The following MORC2 variants were observed in gnomAD, a reference collection of about 807,000 sequenced individuals.
The protein encoded by MORC2 is MORC family CW-type zinc finger 2, also known as ATPase MORC2.
Under a neutral mutation model 136.0 loss-of-function variants are expected in MORC2, and 30 were observed. The ratio of observed to expected loss-of-function variants is 0.22; its 90% confidence interval spans 0.17 to 0.30. The LOEUF (loss-of-function observed/expected upper bound fraction) is 0.30, where lower values mean the gene tolerates loss of function less well. Ranked by LOEUF, MORC2 falls within the 10% of genes least tolerant of loss-of-function variation. MORC2 has a pLI of 1.00. For missense variants in MORC2, 922 were observed against 1,333.1 expected (o/e 0.69, Z 4.80); for synonymous variants, 439 against 487.0 (o/e 0.90, Z 1.30).
intron 1 of MORC2, among the ~76,000 whole-genome samples, chr22:30,959,814 A>T (rs1376519352): frequency 1.3e-5 from 2 of 152,250 alleles, no homozygotes; most frequent in African/African-American, 2.4e-5. Flanking sequence ...AAATATATCA[A>T]TAGTAAATAA....
intron 1 of MORC2, chr22:30,967,052 G>T: frequency 1.0e-6 from 1 of 968,184 alleles, no homozygotes; most frequent in Non-Finnish European, 1.2e-6. Context: ...GTACTAGAAT[G>T]TTAGAACACT....
Position 30,934,755 on chromosome 22 carries a change from G to A in MORC2, c.2193+26C>T, listed in dbSNP as rs758771288. The A allele has an allele frequency of 1.3e-5, 21 of 1,609,756 alleles. No homozygotes were observed. The highest frequency in any genetic ancestry group is 1.8e-5 in the Non-Finnish European group (21 of 1,176,942). Reference sequence around the variant, plus strand: ...TCCTACACTACTGACACTGGGCTGGGGTATTAAAGAGGACAAGCGTCTCAC... The same window carrying A: ...TCCTACACTACTGACACTGGGCTGGAGTATTAAAGAGGACAAGCGTCTCAC... On this transcript the variant is annotated intron_variant, in intron 19 of 25. Coordinates refer to ENST00000397641, the MANE Select transcript of MORC2 (RefSeq NM_001303256.3). The surrounding 1 kb of genome is among the most constrained non-coding windows in gnomAD (Gnocchi z 4.4).
In MORC2 at chr22:30,939,637, T is replaced by C; in HGVS notation, c.1057A>G (p.Lys353Glu). The change falls in exon 12 of 26, where the codon AAG becomes GAG. Residue 353 changes from lysine (K) to glutamate (E), a missense_variant. Lys to Glu is a moderately conservative substitution (Grantham distance 56). Transcript: ENST00000397641. Reference sequence around the variant, plus strand: ...GGCACTCACCGCTGCTTGGCCTCCTTGATCCTCTTCTTGACATCGGCTTCT... The same window carrying C: ...GGCACTCACCGCTGCTTGGCCTCCTCGATCCTCTTCTTGACATCGGCTTCT... ...RREADVKKRI[K>E]EAKQRALKEP... 1 of 1,614,164 alleles carries C rather than the reference T, an allele frequency of 6.2e-7. No individual in the cohort carries two copies. The highest frequency in any genetic ancestry group is 8.5e-7 in the Non-Finnish European group (1 of 1,180,032).
In MORC2 at chr22:30,934,723, A is replaced by G. The variant is rs543124824; in HGVS notation, c.2193+58T>C. 2.6e-4 allele frequency: 419 copies of G among 1,585,348 alleles called. 12 individuals carry two copies. The South Asian group carries it at 4.6e-3, about 18-fold the overall frequency. On this transcript the variant is annotated intron_variant, in intron 19 of 25. Coordinates refer to ENST00000397641, the MANE Select transcript of MORC2 (RefSeq NM_001303256.3). The surrounding 1 kb of genome is among the most constrained non-coding windows in gnomAD (Gnocchi z 4.4). ...CCCAGTACAGCTGTGACACTGCACA[A>G]TTCCATTCCTACACTACTGACACTG... is the stretch of plus-strand genomic sequence containing the variant.
At chr22:30,964,606 G>A (rs2240182) in intron 1 of MORC2, among the ~76,000 whole-genome samples, 83,817 of 151,982 alleles carry the variant, frequency 0.55, 23,514 homozygotes, top group East Asian at 0.75. Flanking sequence ...GTAACAGCAT[G>A]AAACTCCTTT....
intron 10 of MORC2, 128 bp from the exon 11 acceptor site, chr22:30,940,169 G>T: frequency 2.2e-6 from 2 of 906,436 alleles, no homozygotes; most frequent in African/African-American, 1.7e-5. Context: ...GGGGAGCTAT[G>T]GCTGGTGAGC....
At chr22:30,963,356 T>C (rs909161179) in intron 1 of MORC2, 14 of 980,040 alleles carry the variant, frequency 1.4e-5, no homozygotes, top group Admixed American at 1.2e-4. Flanking sequence ...CAAAGATTTT[T>C]TGAAAATTCG....
chr22:30,950,353 C>CCCAAAAAAAAAAAAAAAAA, intron 4 of MORC2, 24 bp downstream of exon 4: 1 of 1,481,956 alleles, frequency 6.7e-7, no homozygotes, highest in Non-Finnish European at 9.4e-7. Flanking sequence ...CCCCACCCCC[C>CCCAAAAAAAAAAAAAAAAA]AAAACAATAA....
intron 1 of MORC2, among the ~76,000 whole-genome samples, chr22:30,959,838 T>G (rs2041017644): frequency 6.6e-6 from 1 of 152,258 alleles, no homozygotes. Flanking sequence ...GCATCTAGGA[T>G]CTCTGATCGC....
rs1204334853 is a variant in MORC2 at position 30,937,752 on chromosome 22, T to G, written c.1370-41A>C. On this transcript the variant is annotated intron_variant, in intron 14 of 25. Coordinates refer to ENST00000397641, the MANE Select transcript of MORC2 (RefSeq NM_001303256.3). The surrounding 1 kb of genome is among the most constrained non-coding windows in gnomAD (Gnocchi z 4.7). ...CGATACATCATGTTAGGAGCCAGCC[T>G]CTCTCTCTCCCTACATTCAGGTGAA... 3.1e-6 allele frequency: 5 copies of G among 1,613,132 alleles called. No individual in the cohort carries two copies. Among genetic ancestry groups the G allele is most frequent in the Non-Finnish European group, 4.2e-6 (5 of 1,179,564 alleles).
intron 20 of MORC2, among the ~76,000 whole-genome samples, 197 bp from the exon 21 acceptor site, chr22:30,933,717 G>C (rs1030855913): frequency 4.6e-5 from 7 of 152,168 alleles, no homozygotes; most frequent in Non-Finnish European, 1.0e-4. Context: ...TTACGAACAA[G>C]ACAGCAGGCA....
In MORC2 at chr22:30,941,774, A is replaced by G. The variant is rs2040745393; in HGVS notation, c.698+117T>C. 8.7e-7 allele frequency: 1 copy of G among 1,152,682 alleles called. No homozygotes were observed. The highest frequency in any genetic ancestry group is 1.3e-6 in the Non-Finnish European group (1 of 793,764). The allele number at this position is 1,152,682 out of a possible 1,614,324, so 71.4% of individuals were successfully genotyped here. A position where few individuals can be genotyped will look rare whatever the true frequency, so the allele number is the denominator to read the frequency against. ...ACAGGCAACTGAGCTGGCCCTACATACTACCCTACCACAGAACACTGGGCA... is the reference window on the plus strand; with the variant it reads ...ACAGGCAACTGAGCTGGCCCTACATGCTACCCTACCACAGAACACTGGGCA... On this transcript the variant is annotated intron_variant, in intron 8 of 25. Transcript: ENST00000397641. This position sits in a 1 kb window ranked among gnomAD's most constrained non-coding sequence, Gnocchi z 4.6.
At chr22:30,946,263 G>A (rs2040813725) in intron 6 of MORC2, 78 bp downstream of exon 6, 5 of 1,113,434 alleles carry the variant, frequency 4.5e-6, no homozygotes, top group Non-Finnish European at 6.6e-6. Flanking sequence ...GTCTAGCATT[G>A]CAAATAACCT....
In MORC2 at chr22:30,949,857, A is replaced by G. The variant is rs545157205; in HGVS notation, c.227-15T>C. ...GGCAGCATCACCTGAAAGGGCAGAC[A>G]CAAGAGAAAGTGAAAAGTTTGCATT... On this transcript the variant is annotated splice_polypyrimidine_tract_variant and intron_variant, in intron 4 of 25. Transcript: ENST00000397641. The G allele has an allele frequency of 5.0e-6, 8 of 1,613,142 alleles. No individual in the cohort carries two copies. In the African/African-American group the frequency reaches 6.7e-5, roughly 13 times the overall value.
intron 4 of MORC2, 24 bp downstream of exon 4, chr22:30,950,353 C>CCCCACCAA: frequency 6.7e-7 from 1 of 1,481,962 alleles, no homozygotes; most frequent in South Asian, 1.1e-5. Flanking sequence ...CCCCACCCCC[C>CCCCACCAA]AAAACAATAA....
chr22:30,935,696 C>T (rs2040642433), intron 17 of MORC2, among the ~76,000 whole-genome samples: 2 of 152,002 alleles, frequency 1.3e-5, no homozygotes, highest in South Asian at 2.1e-4. Flanking sequence ...TTAGTGAGAG[C>T]ACATCTGCAC....
chr22:30,951,712 T>C (rs1036021683), intron 3 of MORC2, among the ~76,000 whole-genome samples: 4 of 152,262 alleles, frequency 2.6e-5, no homozygotes, highest in African/African-American at 9.6e-5. Flanking sequence ...CTGAGAAATC[T>C]GTTTTAAATG....
At chr22:30,967,648 T>C in intron 1 of MORC2, 174 bp downstream of exon 1, 1 of 1,405,544 alleles carries the variant, frequency 7.1e-7, no homozygotes, top group Non-Finnish European at 9.2e-7. Context: ...TAGCAACAAG[T>C]ATTTCACTGA....
intron 2 of MORC2, among the ~76,000 whole-genome samples, chr22:30,957,833 G>A (rs1453784436): frequency 6.6e-6 from 1 of 152,178 alleles, no homozygotes; most frequent in Non-Finnish European, 1.5e-5. Flanking sequence ...ATTAGAATAA[G>A]TTTATTGTAT....
Sources: gnomAD v4.1 joint callset for allele counts (sites outside exome capture counted in the v4.1 genomes callset) on GRCh38, gnomAD v4.1.1 for gene constraint, Gnocchi (gnomAD v3.1) non-coding constraint, MANE v1.5 for transcripts, NCBI Gene and HGNC (gene_info 2026-07-23, HGNC 2026-07-21) for gene names.